The following CCSER1 variants were observed in gnomAD, a reference collection of about 807,000 sequenced individuals.
CCSER1 encodes serine-rich coiled-coil domain-containing protein 1.
In CCSER1, 41 loss-of-function variants were observed where a neutral mutation model predicts 82.0. The observed-to-expected ratio is 0.50, with a 90% CI of 0.39 to 0.65. The LOEUF (loss-of-function observed/expected upper bound fraction) is 0.65, where lower values mean the gene tolerates loss of function less well. Among genes scored for constraint, CCSER1 ranks in the 30% least tolerant of loss-of-function variants. The pLI is 0.00. For synonymous variants in CCSER1, 414 were observed against 383.9 expected (o/e 1.08, Z -0.92); for missense variants, 1,119 against 1,064.2 (o/e 1.05, Z -0.72).
At chr4:91,046,165 A>G (rs1261212217) in intron 9 of CCSER1, among the ~76,000 whole-genome samples, 1 of 151,914 alleles carries the variant, frequency 6.6e-6, no homozygotes, top group Non-Finnish European at 1.5e-5. Context: ...ATAAAAACTG[A>G]CACTTGCAAA....
chr4:91,381,316 C>G (rs1018631308), intron 10 of CCSER1, among the ~76,000 whole-genome samples: 10 of 152,160 alleles, frequency 6.6e-5, no homozygotes, highest in Non-Finnish European at 1.2e-4. Context: ...TGGGGAAGTT[C>G]TCCTGGATAA....
Position 90,227,807 on chromosome 4 carries a change from C to T in CCSER1, c.-41-80437C>T, listed in dbSNP as rs185813020. On this transcript the variant is annotated intron_variant, in intron 1 of 10. Transcript: ENST00000509176. Reference sequence around the variant, plus strand: ...AAGCAGGGCGAGGCATTGCCTCACTCGGGAAGCGCAAAGAGTCAGGGAGTT... The same window carrying T: ...AAGCAGGGCGAGGCATTGCCTCACTTGGGAAGCGCAAAGAGTCAGGGAGTT... Among the ~76,000 whole-genome samples the T allele has an allele frequency of 2.7e-3, 404 of 152,318 alleles. 1 individual carries two copies. The highest frequency in any genetic ancestry group is 8.9e-3 in the African/African-American group (368 of 41,572).
chr4:90,565,540 C>T (rs944889546), intron 5 of CCSER1, among the ~76,000 whole-genome samples: 5 of 152,028 alleles, frequency 3.3e-5, no homozygotes, highest in African/African-American at 1.2e-4. Flanking sequence ...CTAGAGTTTC[C>T]AGTACTATAT....
chr4:90,403,291 A>T (rs1320834984), intron 4 of CCSER1, among the ~76,000 whole-genome samples: 3 of 151,922 alleles, frequency 2.0e-5, no homozygotes, highest in African/African-American at 7.2e-5. Flanking sequence ...CGAGGTCAGG[A>T]GATCGAGACC....
chr4:90,493,061 G>A (rs867635963), intron 5 of CCSER1, among the ~76,000 whole-genome samples: 1 of 152,130 alleles, frequency 6.6e-6, no homozygotes, highest in Non-Finnish European at 1.5e-5. Context: ...CTGTAGAGAA[G>A]TCCTTAAATT....
Position 91,517,200 on chromosome 4 carries a change from G to T in CCSER1, c.2218-81372G>T, listed in dbSNP as rs149293486. Among the ~76,000 whole-genome samples, 3 of 152,098 alleles carry T rather than the reference G, an allele frequency of 2.0e-5. 1 individual carries two copies. In the East Asian group the frequency reaches 5.8e-4, roughly 29 times the overall value. Reference sequence around the variant, plus strand: ...TGGATGCCTTTTATTTCTTTTTCTTGCCTGATTGCTCTGGCTAGAAATTCC... The same window carrying T: ...TGGATGCCTTTTATTTCTTTTTCTTTCCTGATTGCTCTGGCTAGAAATTCC... On this transcript the variant is annotated intron_variant, in intron 10 of 10. Transcript: ENST00000509176.
intron 10 of CCSER1, among the ~76,000 whole-genome samples, chr4:91,098,127 C>T (rs1054565214): frequency 1.3e-5 from 2 of 152,150 alleles, no homozygotes; most frequent in Non-Finnish European, 2.9e-5. Flanking sequence ...GAAAATAATA[C>T]TTCAAGATTC....
At chr4:90,347,435 T>C (rs772680397) in intron 3 of CCSER1, among the ~76,000 whole-genome samples, 4 of 152,194 alleles carry the variant, frequency 2.6e-5, no homozygotes, top group African/African-American at 9.6e-5. Flanking sequence ...ATCTCTGGTT[T>C]CACTTTTGGC....
At chr4:91,137,126 G>A (rs1490194593) in intron 10 of CCSER1, among the ~76,000 whole-genome samples, 1 of 141,382 alleles carries the variant, frequency 7.1e-6, no homozygotes, top group African/African-American at 2.6e-5. Flanking sequence ...TCGTCATCTA[G>A]CCTTAGGTAT....
intron 5 of CCSER1, among the ~76,000 whole-genome samples, chr4:90,560,827 A>G (rs1778679815): frequency 1.3e-5 from 2 of 152,144 alleles, no homozygotes; most frequent in Admixed American, 1.3e-4. Context: ...TGTTTAGATA[A>G]AGACTGAAAA....
At chr4:91,334,704 T>C (rs1019707224) in intron 10 of CCSER1, among the ~76,000 whole-genome samples, 16 of 152,120 alleles carry the variant, frequency 1.1e-4, no homozygotes, top group Non-Finnish European at 2.1e-4. Context: ...TTTCCACATT[T>C]AAGTGAGTAA....
At position 90,138,320 on chromosome 4, in the gene CCSER1, T is replaced by A. The variant is rs148790382; in HGVS notation, c.-42+10489T>A. ...GATCCTCTCACTTATGCCTCCCGAG[T>A]AGCTGGGATTACAGGTGCGCCCCAC... is the stretch of plus-strand genomic sequence containing the variant. On this transcript the variant is annotated intron_variant, in intron 1 of 10. Transcript: ENST00000509176. Among the ~76,000 whole-genome samples, 4 of 152,136 alleles carry A rather than the reference T, an allele frequency of 2.6e-5. No homozygotes were observed. The East Asian group carries it at 7.7e-4, about 29-fold the overall frequency.
At chr4:90,314,635 C>T (rs1257897042) in intron 3 of CCSER1, among the ~76,000 whole-genome samples, 1 of 151,886 alleles carries the variant, frequency 6.6e-6, no homozygotes, top group Non-Finnish European at 1.5e-5. Context: ...ACCTGTAGTT[C>T]CAGCTACTCA....
intron 7 of CCSER1, among the ~76,000 whole-genome samples, chr4:90,779,026 A>G (rs571637682): frequency 6.6e-6 from 1 of 151,952 alleles, no homozygotes; most frequent in African/African-American, 2.4e-5. Context: ...AACCTTAACT[A>G]CTCGTCTTAT....
At chr4:91,222,269 C>T (rs943562129) in intron 10 of CCSER1, among the ~76,000 whole-genome samples, 4 of 151,504 alleles carry the variant, frequency 2.6e-5, no homozygotes, top group Admixed American at 6.6e-5. Flanking sequence ...CAGACTGAAA[C>T]AAAGTCTGAG....
At chr4:90,325,184 T>G (rs968586638) in intron 3 of CCSER1, among the ~76,000 whole-genome samples, 4 of 152,216 alleles carry the variant, frequency 2.6e-5, no homozygotes, top group African/African-American at 9.6e-5. Flanking sequence ...GGACAATCAC[T>G]CGGGGTTCTA....
intron 10 of CCSER1, among the ~76,000 whole-genome samples, chr4:91,456,538 T>C (rs1483044475): frequency 6.6e-6 from 1 of 152,096 alleles, no homozygotes; most frequent in African/African-American, 2.4e-5. Context: ...TTGAAAGCCA[T>C]ATTTGCCATT....
At chr4:90,416,411 A>G (rs1755794113) in intron 4 of CCSER1, among the ~76,000 whole-genome samples, 2 of 152,234 alleles carry the variant, frequency 1.3e-5, no homozygotes, top group Non-Finnish European at 2.9e-5. Flanking sequence ...AAAGATAGGC[A>G]TATCCAAGTT....
chr4:91,483,054 T>G (rs1164961450), intron 10 of CCSER1, among the ~76,000 whole-genome samples: 1 of 151,212 alleles, frequency 6.6e-6, no homozygotes, highest in Non-Finnish European at 1.5e-5. Flanking sequence ...GTAACAAACC[T>G]GCACGTTGTG....
Sources: allele counts gnomAD v4.1 joint callset (sites outside exome capture counted in the v4.1 genomes callset), GRCh38; gene constraint gnomAD v4.1.1; transcripts MANE v1.5; gene names NCBI Gene and HGNC (gene_info 2026-07-23, HGNC 2026-07-21).